PTPRK: variants seen among roughly 807,000 people sequenced by gnomAD.
PTPRK encodes the protein protein tyrosine phosphatase receptor type K, also known as receptor-type tyrosine-protein phosphatase kappa.
In PTPRK, 75 loss-of-function variants were observed where a neutral mutation model predicts 178.0. That is an observed-to-expected ratio of 0.42 (90% CI 0.35 to 0.51). The LOEUF is 0.51. Ranked by LOEUF, PTPRK falls within the 20% of genes least tolerant of loss-of-function variation. The probability of loss-of-function intolerance (pLI) is 0.02; values close to 1 mark genes in which losing one functional copy is unlikely to be tolerated. For missense variants in PTPRK, 1,441 were observed against 1,797.8 expected (o/e 0.80, Z 3.59); for synonymous variants, 637 against 620.6 (o/e 1.03, Z -0.39).
intron 1 of PTPRK, among the ~76,000 whole-genome samples, chr6:128,514,827 TA>T (rs962295519): frequency 2.0e-5 from 3 of 151,834 alleles, no homozygotes; most frequent in Non-Finnish European, 2.9e-5. Context: ...CTCAACAATC[TA>T]AAAAAAACCT....
intron 2 of PTPRK, among the ~76,000 whole-genome samples, chr6:128,344,911 T>C (rs1252686611): frequency 6.6e-6 from 1 of 152,024 alleles, no homozygotes; most frequent in Non-Finnish European, 1.5e-5. Context: ...ATTTTTTAAT[T>C]AATCTAGAGA....
chr6:128,410,954 C>T (rs529397969), intron 1 of PTPRK, among the ~76,000 whole-genome samples: 8 of 152,272 alleles, frequency 5.3e-5, no homozygotes, highest in South Asian at 4.1e-4. Flanking sequence ...TGCAGTGGCA[C>T]GATCTTGGCT....
chr6:128,184,322 G>C (rs1212693731), intron 7 of PTPRK, 110 bp downstream of exon 7: 2 of 1,090,908 alleles, frequency 1.8e-6, no homozygotes, highest in Non-Finnish European at 2.6e-6. Flanking sequence ...ACTCTTAATA[G>C]TGTGACTATA....
At chr6:128,294,259 C>T (rs1473707475) in intron 3 of PTPRK, among the ~76,000 whole-genome samples, 9 of 151,970 alleles carry the variant, frequency 5.9e-5, no homozygotes, top group Non-Finnish European at 8.8e-5. Context: ...TTATTCCTAA[C>T]CCTGGTGCTA....
chr6:128,218,885 C>A, intron 6 of PTPRK, 37 bp downstream of exon 6: 1 of 1,550,024 alleles, frequency 6.5e-7, no homozygotes, highest in South Asian at 1.2e-5. Flanking sequence ...CTAATAAAGC[C>A]ATGCAATTTC....
chr6:128,357,088 G>A (rs1834060904), intron 2 of PTPRK, among the ~76,000 whole-genome samples: 1 of 152,098 alleles, frequency 6.6e-6, no homozygotes, highest in Non-Finnish European at 1.5e-5. Context: ...GAATGAGGAT[G>A]GAGGCTGGAA....
chr6:128,189,283 A>C (rs1302134028), intron 6 of PTPRK, among the ~76,000 whole-genome samples: 1 of 118,824 alleles, frequency 8.4e-6, no homozygotes, highest in Admixed American at 1.2e-4. Flanking sequence ...TCTGTTACCC[A>C]GGCTGGAGTG....
At chr6:128,443,064 A>G (rs917693946) in intron 1 of PTPRK, among the ~76,000 whole-genome samples, 1 of 152,050 alleles carries the variant, frequency 6.6e-6, no homozygotes, top group Non-Finnish European at 1.5e-5. Context: ...TTAAAATAAC[A>G]TGATAACATA....
chr6:128,408,771 T>C (rs1431694378), intron 1 of PTPRK, among the ~76,000 whole-genome samples: 2 of 152,134 alleles, frequency 1.3e-5, no homozygotes, highest in Admixed American at 1.3e-4. Flanking sequence ...ACCCAATGGC[T>C]ATAGGAAAAA....
chr6:128,505,284 A>G (rs1193783247), intron 1 of PTPRK, among the ~76,000 whole-genome samples: 6 of 150,976 alleles, frequency 4.0e-5, no homozygotes, highest in Non-Finnish European at 7.4e-5. Context: ...TCTACTAAAA[A>G]TAGAAAATTA....
chr6:127,971,461 C>T (rs1773889259), intron 29 of PTPRK, among the ~76,000 whole-genome samples: 1 of 152,092 alleles, frequency 6.6e-6, no homozygotes, highest in South Asian at 2.1e-4. Context: ...AATTCACCTA[C>T]CACTGTGGCG....
chr6:128,362,380 TG>T (rs35358058), intron 2 of PTPRK, among the ~76,000 whole-genome samples: 112,645 of 152,000 alleles, frequency 0.74, 43,569 homozygotes, highest in East Asian at 0.99. Flanking sequence ...TCACCAAGAC[TG>T]GGGATTGCAA....
At chr6:128,394,835 TTCTAA>T (rs1411243169) in intron 2 of PTPRK, among the ~76,000 whole-genome samples, 2 of 152,190 alleles carry the variant, frequency 1.3e-5, no homozygotes, top group South Asian at 4.1e-4. Context: ...TCTTCTTTCA[TTCTAA>T]TCTATTTATT....
At chr6:128,437,103 G>A (rs1267738743) in intron 1 of PTPRK, among the ~76,000 whole-genome samples, 1 of 152,120 alleles carries the variant, frequency 6.6e-6, no homozygotes, top group East Asian at 1.9e-4. Flanking sequence ...TTTCCCTGGG[G>A]TTCAGCACTC....
chr6:128,372,869 T>G (rs1263880731), intron 2 of PTPRK, among the ~76,000 whole-genome samples: 1 of 152,008 alleles, frequency 6.6e-6, no homozygotes, highest in Non-Finnish European at 1.5e-5. Context: ...CTGCCAAATT[T>G]TGAAAAGAAA....
chr6:128,492,473 G>A (rs1853958546), intron 1 of PTPRK, among the ~76,000 whole-genome samples: 1 of 152,200 alleles, frequency 6.6e-6, no homozygotes, highest in Non-Finnish European at 1.5e-5. Flanking sequence ...AATATATTAT[G>A]GTGGTTGAGA....
At chr6:128,211,359 T>G (rs1001474590) in intron 6 of PTPRK, among the ~76,000 whole-genome samples, 1 of 152,128 alleles carries the variant, frequency 6.6e-6, no homozygotes, top group African/African-American at 2.4e-5. Flanking sequence ...AAGTATTATT[T>G]ATCTGTATTC....
intron 1 of PTPRK, among the ~76,000 whole-genome samples, chr6:128,418,940 T>C (rs1464851670): frequency 2.6e-5 from 4 of 152,206 alleles, no homozygotes; most frequent in African/African-American, 9.7e-5. Context: ...CACTCTATTG[T>C]GTCACCAATC....
intron 6 of PTPRK, 63 bp downstream of exon 6, chr6:128,218,859 C>A: frequency 7.3e-7 from 1 of 1,364,684 alleles, no homozygotes; most frequent in Non-Finnish European, 1.0e-6. Context: ...AAAATATCTA[C>A]AGAGTTGCTT....
Sources: gnomAD v4.1 joint callset for allele counts (sites outside exome capture counted in the v4.1 genomes callset) on GRCh38, gnomAD v4.1.1 for gene constraint, MANE v1.5 for transcripts, NCBI Gene and HGNC (gene_info 2026-07-23, HGNC 2026-07-21) for gene names.